Variants in AXIN2 observed in about 807,000 individuals in gnomAD.
AXIN2 encodes axin-2.
A neutral mutation model predicts 74.7 loss-of-function variants in AXIN2; 21 were observed. The ratio of observed to expected loss-of-function variants is 0.28; its 90% CI spans 0.20 to 0.40. The LOEUF (loss-of-function observed/expected upper bound fraction) is 0.40, where lower values mean the gene tolerates loss of function less well. AXIN2 is among the 10% of genes least tolerant of loss of function. AXIN2 has a pLI of 1.00. For synonymous variants in AXIN2, 532 were observed against 454.9 expected (o/e 1.17, Z -2.16); for missense variants, 1,144 against 1,111.1 (o/e 1.03, Z -0.42).
rs529474514 is a variant in AXIN2, at chr17:65,537,261, T to G, written c.1712+63A>C. On this transcript the variant is annotated intron_variant, in intron 6 of 10. Coordinates refer to ENST00000307078, the MANE Select transcript of AXIN2 (RefSeq NM_004655.4). ...TGTAATGCGGCTCCCACCTCACACCTGCCCATGGACCTGGCTGGGAGACAA... is the reference window on the plus strand; with the variant it reads ...TGTAATGCGGCTCCCACCTCACACCGGCCCATGGACCTGGCTGGGAGACAA... The G allele has an allele frequency of 1.9e-3, 3,099 of 1,607,498 alleles. 4 individuals are homozygous for G. The highest frequency in any genetic ancestry group is 2.3e-3 in the Non-Finnish European group (2,743 of 1,175,848).
At position 65,549,524 on chromosome 17, in the gene AXIN2, T is replaced by C. The variant is rs1555581191; in HGVS notation, c.952A>G (p.Ser318Gly). Reference sequence around the variant, plus strand: ...AAGGGTGGCCAGGATACTCACACACTGCTGTCCGTCATGGACATGGAATCA... The same window carrying C: ...AAGGGTGGCCAGGATACTCACACACCGCTGTCCGTCATGGACATGGAATCA... ...TDDSMSMTDS[S>G]VDGIPPYRVG... Residue 318 changes from serine to glycine, a missense_variant, in exon 3 of 11, where the codon AGT becomes GGT. Around this residue, in one of 4 missense-constraint regions of AXIN2, gnomAD observed 1,053 missense variants for 973.5 expected, o/e 1.08. Coordinates refer to ENST00000307078, the MANE Select transcript of AXIN2 (RefSeq NM_004655.4). 2 of 1,612,758 alleles carry C rather than the reference T, an allele frequency of 1.2e-6. No individual in the cohort carries two copies. The highest frequency in any genetic ancestry group is 3.3e-4 in the Middle Eastern group (2 of 5,996).
chr17:65,543,619 C>G (rs1201743494), intron 3 of AXIN2, among the ~76,000 whole-genome samples: 1 of 152,214 alleles, frequency 6.6e-6, no homozygotes, highest in Non-Finnish European at 1.5e-5. Flanking sequence ...AGATTGACAA[C>G]TCATACCCAA....
intron 2 of AXIN2, among the ~76,000 whole-genome samples, chr17:65,554,027 A>T (rs2044231938): frequency 6.6e-6 from 1 of 152,190 alleles, no homozygotes; most frequent in African/African-American, 2.4e-5. Flanking sequence ...AACCTCAGTA[A>T]GCAAAGGGTT....
intron 7 of AXIN2, 82 bp from the exon 8 acceptor site, chr17:65,536,635 T>C (rs2043925332): frequency 5.3e-6 from 8 of 1,508,010 alleles, no homozygotes; most frequent in Non-Finnish European, 6.4e-6. Context: ...CAATAGAAAC[T>C]TGTCTATTCT....
intron 2 of AXIN2, among the ~76,000 whole-genome samples, chr17:65,553,859 G>GGA (rs2044229174): frequency 1.6e-5 from 2 of 125,386 alleles, no homozygotes; most frequent in Non-Finnish European, 3.4e-5. Flanking sequence ...GGGGGGGGGG[G>GGA]AGGAAACTCA....
chr17:65,533,579 T>C (rs2043858690), intron 10 of AXIN2, among the ~76,000 whole-genome samples: 1 of 152,128 alleles, frequency 6.6e-6, no homozygotes, highest in Non-Finnish European at 1.5e-5. Flanking sequence ...CAATTGCAGG[T>C]AAAGCCTCTG....
chr17:65,536,975 C>T lies in AXIN2; in HGVS notation c.1801G>A (p.Gly601Ser), dbSNP rs750354919. ...ALPAREGGAP[G>S]GAGALQLPRE... ...GGAAGCTGCAGGGCCCCAGCTCCGC[C>T]GGGGGCCCCTCCTTCCCTGGCGGGC... is the stretch of plus-strand genomic sequence containing the variant. The change falls in exon 7 of 11, where the codon GGC (glycine) becomes AGC (serine). Residue 601 changes from glycine (G) to serine (S), a missense_variant. Around this residue, in one of 4 missense-constraint regions of AXIN2, gnomAD observed 1,053 missense variants for 973.5 expected, o/e 1.08. Transcript: ENST00000307078. 12 of 1,612,992 alleles carry T rather than the reference C, an allele frequency of 7.4e-6. No individual in the cohort carries two copies. The highest frequency in any genetic ancestry group is 6.6e-5 in the South Asian group (6 of 91,048).
chr17:65,544,080 G>A (rs1179825093), intron 3 of AXIN2, among the ~76,000 whole-genome samples: 1 of 152,000 alleles, frequency 6.6e-6, no homozygotes, highest in Non-Finnish European at 1.5e-5. Flanking sequence ...TTGGGGGCAG[G>A]AGTCAAGCAC....
intron 2 of AXIN2, among the ~76,000 whole-genome samples, chr17:65,554,240 C>T (rs1346561399): frequency 6.6e-5 from 10 of 151,600 alleles, no homozygotes; most frequent in African/African-American, 2.2e-4. Flanking sequence ...CCTCCTTCTC[C>T]TCCTCTTCCT....
chr17:65,536,487 G>C lies in AXIN2; in HGVS notation c.1974C>G (p.Ser658Arg), dbSNP rs751216221. Residue 658 changes from serine (S) to arginine (R), a missense_variant, in exon 8 of 11, where the codon AGC (serine) becomes AGG (arginine). This residue lies in a region of AXIN2 where 1,053 missense variants were observed against 973.5 expected (regional missense o/e 1.08). Transcript: ENST00000307078. ...SARSSPGERASRHHLWGGNSG... is the reference protein window; with the variant it reads ...SARSSPGERARRHHLWGGNSG... Reference sequence around the variant, plus strand: ...TGTTGCCCCCCCACAGATGGTGCCGGCTGGCTCGTTCGCCTGGAGACGAGC... The same window carrying C: ...TGTTGCCCCCCCACAGATGGTGCCGCCTGGCTCGTTCGCCTGGAGACGAGC... The C allele has an allele frequency of 3.7e-6, 6 of 1,613,878 alleles. No homozygotes were observed. The Admixed American group carries it at 1.0e-4, about 27-fold the overall frequency.
rs2144581611 is a variant in AXIN2, at chr17:65,557,796, A to G, written c.815+10T>C. 6.2e-7 allele frequency: 1 copy of G among 1,613,982 alleles called. No individual in the cohort carries two copies. Among genetic ancestry groups the G allele is most frequent in the Non-Finnish European group, 8.5e-7 (1 of 1,179,860 alleles). On this transcript the variant is annotated intron_variant, in intron 2 of 10. Transcript: ENST00000307078. ...CAGCATCAGCCCACCCGCCCCCGTC[A>G]AAGTCTTACCTGTATCCACTGTCAA...
chr17:65,555,419 G>C (rs1392221894), intron 2 of AXIN2, among the ~76,000 whole-genome samples: 1 of 152,100 alleles, frequency 6.6e-6, no homozygotes, highest in Middle Eastern at 3.2e-3. Context: ...AGTTCAATAA[G>C]AAAGTTGAGG....
At chr17:65,540,593 T>A (rs1251013906) in intron 4 of AXIN2, among the ~76,000 whole-genome samples, 1 of 152,148 alleles carries the variant, frequency 6.6e-6, no homozygotes, top group Non-Finnish European at 1.5e-5. Flanking sequence ...CATGTTGAAA[T>A]ATGATCCCCA....
rs777282977 is a variant in AXIN2 at position 65,558,265 on chromosome 17, T to C, written c.356A>G (p.Gln119Arg). The C allele has an allele frequency of 1.7e-5, 27 of 1,614,110 alleles. No homozygotes were observed. The highest frequency in any genetic ancestry group is 1.6e-4 in the Middle Eastern group (1 of 6,084). ...DFWFACNGFRQMNLKDTKTLR... is the reference protein window; with the variant it reads ...DFWFACNGFRRMNLKDTKTLR... ...AGTTTTGGTATCCTTCAGGTTCATC[T>C]GCCTGAATCCATTGCAGGCAAACCA... Residue 119 changes from glutamine (Q) to arginine (R), a missense_variant, in exon 2 of 11, where the codon CAG becomes CGG. By Grantham distance (43) the Gln-to-Arg change is conservative. Coordinates refer to ENST00000307078, the MANE Select transcript of AXIN2 (RefSeq NM_004655.4).
intron 2 of AXIN2, among the ~76,000 whole-genome samples, chr17:65,557,183 C>G (rs1361439293): frequency 6.6e-6 from 1 of 152,204 alleles, no homozygotes; most frequent in East Asian, 1.9e-4. Context: ...CCAGCAAGCT[C>G]TAAAGGTAAG....
chr17:65,548,477 T>C (rs1337809428), intron 3 of AXIN2, among the ~76,000 whole-genome samples: 1 of 152,262 alleles, frequency 6.6e-6, no homozygotes, highest in Non-Finnish European at 1.5e-5. Flanking sequence ...CACGGTTCAA[T>C]GGGTTTGCCT....
intron 1 of AXIN2, among the ~76,000 whole-genome samples, chr17:65,558,951 T>C (rs951127707): frequency 6.6e-6 from 1 of 151,858 alleles, no homozygotes; most frequent in Non-Finnish European, 1.5e-5. Context: ...CTTTTCGGGG[T>C]TGGGGGTGGG....
chr17:65,558,170 G>T lies in AXIN2; in HGVS notation c.451C>A (p.Pro151Thr), dbSNP rs2144585741. ...NNSIVSKQLK[P>T]ATKTYIRDGI... The stretch of plus-strand genomic sequence containing the variant: ...TCTCTTATGTAGGTCTTGGTGGCAG[G>T]CTTCAGCTGCTTGGAGACAATGCTG... The change falls in exon 2 of 11, where the codon CCT becomes ACT. Residue 151 changes from proline (P) to threonine (T), a missense_variant. Transcript: ENST00000307078. The T allele has an allele frequency of 1.2e-6, 2 of 1,612,326 alleles. No individual in the cohort carries two copies. Among genetic ancestry groups the T allele is most frequent in the Non-Finnish European group, 1.7e-6 (2 of 1,179,410 alleles).
chr17:65,534,189 G>A lies in AXIN2; in HGVS notation c.2238-110C>T. ...TAAGTGACAGGGTATCCAAACACTAGGGCTGCAATTGTAAACCCAAAGTGG... is the reference window on the plus strand; with the variant it reads ...TAAGTGACAGGGTATCCAAACACTAAGGCTGCAATTGTAAACCCAAAGTGG... On this transcript the variant is annotated intron_variant, in intron 9 of 10. Coordinates refer to ENST00000307078, the MANE Select transcript of AXIN2 (RefSeq NM_004655.4). The A allele has an allele frequency of 3.6e-6, 5 of 1,378,498 alleles. No individual in the cohort carries two copies. In the Admixed American group the frequency reaches 5.2e-5, roughly 14 times the overall value. 85.4% of individuals were successfully genotyped at this position (1,378,498 alleles called of 1,614,324 possible).
Sources: gnomAD v4.1 joint callset for allele counts (sites outside exome capture counted in the v4.1 genomes callset) on GRCh38, gnomAD v4.1.1 for gene constraint, gnomAD v4.1.1 regional missense constraint, MANE v1.5 for transcripts, NCBI Gene and HGNC (gene_info 2026-07-23, HGNC 2026-07-21) for gene names.